Variants in TLN2 observed in about 807,000 individuals in gnomAD.
TLN2 encodes the protein talin-2.
Under a neutral mutation model 294.7 loss-of-function variants are expected in TLN2, and 118 were observed. The observed-to-expected ratio is 0.40, with a 90% CI of 0.34 to 0.47. TLN2 has a LOEUF of 0.47. TLN2 is among the 20% of genes least tolerant of loss of function. The probability of loss-of-function intolerance (pLI) is 0.84; values close to 1 mark genes in which losing one functional copy is unlikely to be tolerated. For synonymous variants in TLN2, 1,431 were observed against 1,304.5 expected, an observed-to-expected ratio of 1.10 and a Z score of -2.09; for missense variants, 3,083 against 3,282.2, an observed-to-expected ratio of 0.94 and a Z score of 1.48.
chr15:62,483,506 A>C (rs139169969), intron 1 of TLN2, among the ~76,000 whole-genome samples: 202 of 152,306 alleles, frequency 1.3e-3, no homozygotes, highest in African/African-American at 4.5e-3. Context: ...GATCTCTCAG[A>C]CAGCCAGCCT....
chr15:62,529,391 T>C (rs2040916495), intron 1 of TLN2, among the ~76,000 whole-genome samples: 1 of 152,120 alleles, frequency 6.6e-6, no homozygotes, highest in Admixed American at 6.6e-5. Context: ...GCCCAGCCTT[T>C]TTAGGGCTTT....
At chr15:62,612,847 G>C (rs2048022250) in intron 2 of TLN2, among the ~76,000 whole-genome samples, 1 of 152,146 alleles carries the variant, frequency 6.6e-6, no homozygotes, top group African/African-American at 2.4e-5. Flanking sequence ...TGATGCTTTA[G>C]TGCAAAAAGA....
chr15:62,815,884 C>T (rs1192648471), intron 52 of TLN2, among the ~76,000 whole-genome samples: 2 of 152,232 alleles, frequency 1.3e-5, no homozygotes, highest in African/African-American at 4.8e-5. Flanking sequence ...CTCCTATTCT[C>T]TCTTTGCCTG....
intron 1 of TLN2, among the ~76,000 whole-genome samples, chr15:62,521,650 T>C (rs2040463938): frequency 6.6e-6 from 1 of 152,132 alleles, no homozygotes; most frequent in South Asian, 2.1e-4. Context: ...TTAAGCAGCC[T>C]TCAGAGAGAG....
chr15:62,585,177 A>G (rs1315669448), intron 1 of TLN2, among the ~76,000 whole-genome samples: 1 of 152,222 alleles, frequency 6.6e-6, no homozygotes. Flanking sequence ...ACTTACACCC[A>G]CATTCCTGTG....
chr15:62,828,950 A>G (rs1435434098), intron 54 of TLN2: 1 of 152,080 alleles, frequency 6.6e-6, no homozygotes, highest in Non-Finnish European at 1.5e-5. Context: ...CCAGGCCAGC[A>G]TTTCCTACAG....
chr15:62,676,077 A>G (rs1052890310), intron 11 of TLN2, among the ~76,000 whole-genome samples: 6 of 152,214 alleles, frequency 3.9e-5, no homozygotes, highest in Non-Finnish European at 8.8e-5. Context: ...TGCAAATGGA[A>G]GCAAACCAGC....
chr15:62,496,995 CAGAT>C (rs1217974380), intron 1 of TLN2, among the ~76,000 whole-genome samples: 1 of 152,186 alleles, frequency 6.6e-6, no homozygotes, highest in African/African-American at 2.4e-5. Flanking sequence ...TCCCTCCCCT[CAGAT>C]GGAGGTAATT....
At chr15:62,711,888 T>G in intron 21 of TLN2, 23 bp from the exon 22 acceptor site, 1 of 1,588,810 alleles carries the variant, frequency 6.3e-7, no homozygotes, top group South Asian at 1.1e-5. Flanking sequence ...CAAACAGACC[T>G]CATCCTCTAT....
At chr15:62,594,051 C>T (rs2046288186) in intron 2 of TLN2, among the ~76,000 whole-genome samples, 1 of 152,178 alleles carries the variant, frequency 6.6e-6, no homozygotes, top group Admixed American at 6.5e-5. Context: ...AAGAACAAAG[C>T]TGGAGGCATT....
chr15:62,715,801 T>G (rs113246285), intron 22 of TLN2, among the ~76,000 whole-genome samples: 7 of 152,328 alleles, frequency 4.6e-5, no homozygotes, highest in African/African-American at 1.7e-4. Context: ...GGTCTTTCTT[T>G]AACAAAATTT....
intron 1 of TLN2, among the ~76,000 whole-genome samples, chr15:62,490,494 C>T (rs998671332): frequency 6.6e-6 from 1 of 152,138 alleles, no homozygotes; most frequent in Admixed American, 6.6e-5. Flanking sequence ...AGAGATTGTG[C>T]TTGTGTCTAA....
Position 62,686,613 on chromosome 15 carries a change from C to T in TLN2, c.958-28C>T, listed in dbSNP as rs534122605. ...AAGTCAGATGTATTCAGAAGAAGAG[C>T]ACTGACTCTTGGTATCTCCTGTTTC... On this transcript the variant is annotated intron_variant, in intron 11 of 58. Transcript: ENST00000636159. 1.9e-5 allele frequency: 31 copies of T among 1,597,054 alleles called. No individual in the cohort carries two copies. The East Asian group carries it at 7.0e-4, about 36-fold the overall frequency.
At chr15:62,662,637 T>C (rs578117906) in intron 9 of TLN2, among the ~76,000 whole-genome samples, 1 of 152,242 alleles carries the variant, frequency 6.6e-6, no homozygotes, top group African/African-American at 2.4e-5. Flanking sequence ...CACTAGACAC[T>C]GGAGATACAG....
rs1364576234 is a variant in TLN2 at position 62,762,405 on chromosome 15, A to G, written c.4913A>G (p.His1638Arg). 1.2e-6 allele frequency: 2 copies of G among 1,614,046 alleles called. No homozygotes were observed. Among genetic ancestry groups the G allele is most frequent in the African/African-American group, 1.3e-5 (1 of 74,926 alleles). The change falls in exon 39 of 59, where the codon CAT (histidine) becomes CGT (arginine). Residue 1638 changes from histidine to arginine, a missense_variant. Coordinates refer to ENST00000636159, the MANE Select transcript of TLN2 (RefSeq NM_015059.3). ...DPPTWSVLAG[H>R]SHTVSDSIKS... ...CCCACCTGGTCTGTACTGGCTGGACATTCCCATACAGTGTCCGACTCCATC... is the reference window on the plus strand; with the variant it reads ...CCCACCTGGTCTGTACTGGCTGGACGTTCCCATACAGTGTCCGACTCCATC...
chr15:62,608,048 T>C (rs2047603067), intron 2 of TLN2, among the ~76,000 whole-genome samples: 1 of 152,216 alleles, frequency 6.6e-6, no homozygotes, highest in South Asian at 2.1e-4. Context: ...CTTTGGCGTA[T>C]CTGAAGATTT....
chr15:62,797,386 A>G lies in TLN2; in HGVS notation c.6218A>G (p.Asp2073Gly). ...CTGGGGGCAGCCAGCCTGGGCTCCGACGACCCCGAGACCCAGGTACCAGCA... is the reference window on the plus strand; with the variant it reads ...CTGGGGGCAGCCAGCCTGGGCTCCGGCGACCCCGAGACCCAGGTACCAGCA... ...VKLGAASLGSDDPETQVVLIN... is the reference protein window; with the variant it reads ...VKLGAASLGSGDPETQVVLIN... The change falls in exon 48 of 59, where the codon GAC becomes GGC. Residue 2073 changes from aspartate to glycine, a missense_variant. Transcript: ENST00000636159. The G allele has an allele frequency of 6.3e-6, 10 of 1,597,304 alleles. No individual in the cohort carries two copies. The highest frequency in any genetic ancestry group is 7.7e-6 in the Non-Finnish European group (9 of 1,172,500).
chr15:62,672,889 G>C (rs929771594), intron 9 of TLN2, among the ~76,000 whole-genome samples: 5 of 152,110 alleles, frequency 3.3e-5, no homozygotes, highest in Admixed American at 2.0e-4. Context: ...CAGGTACTCA[G>C]GCCAGTATTT....
At position 62,689,846 on chromosome 15, in the gene TLN2, CTTTTTTTTTTTTTT is replaced by C. The variant is rs1158144919; in HGVS notation, c.1114-2976_1114-2963del. 5.6e-3 allele frequency among the ~76,000 whole-genome samples: 86 copies of C among 15,412 alleles called. 1 individual carries two copies. The highest frequency in any genetic ancestry group is 8.9e-3 in the African/African-American group (63 of 7,068). 10.1% of individuals were successfully genotyped at this position (15,412 alleles called of 152,430 possible). ...TTTTCAAAATTCTTGGTATGGGCTT[CTTTTTTTTTTTTTT>C]TTTTTTTTTTTTTTTTTATTGGCTG... On this transcript the variant is annotated intron_variant, in intron 12 of 58. Transcript: ENST00000636159.
Sources: gnomAD v4.1 joint callset for allele counts (sites outside exome capture counted in the v4.1 genomes callset) on GRCh38, gnomAD v4.1.1 for gene constraint, MANE v1.5 for transcripts, NCBI Gene and HGNC (gene_info 2026-07-23, HGNC 2026-07-21) for gene names.